CEP112: variants seen among roughly 807,000 people sequenced by gnomAD.
The protein encoded by CEP112 is centrosomal protein of 112 kDa.
In CEP112, 127 loss-of-function variants were observed where a neutral mutation model predicts 153.0. The observed-to-expected ratio is 0.83, with a 90% CI of 0.72 to 0.96. The LOEUF (loss-of-function observed/expected upper bound fraction) is 0.96. CEP112 is among the 40% of genes least tolerant of loss of function. The probability of loss-of-function intolerance (pLI) is 0.00; values close to 1 mark genes in which losing one functional copy is unlikely to be tolerated. For synonymous variants in CEP112, 358 were observed against 374.4 expected (o/e 0.96, Z 0.51); for missense variants, 1,089 against 1,101.2 (o/e 0.99, Z 0.16).
chr17:65,858,600 C>T, intron 20 of CEP112, among the ~76,000 whole-genome samples: 2 of 150,884 alleles, frequency 1.3e-5, no homozygotes, highest in African/African-American at 4.9e-5. Flanking sequence ...ATTTTTATTC[C>T]CAATATTGTT....
At chr17:65,896,277 TA>T (rs2059656217) in intron 20 of CEP112, among the ~76,000 whole-genome samples, 1 of 152,056 alleles carries the variant, frequency 6.6e-6, no homozygotes, top group African/African-American at 2.4e-5. Context: ...CCTCATCTTG[TA>T]TTTTTTGCTT....
chr17:66,069,890 T>C, intron 9 of CEP112, 25 bp downstream of exon 9: 2 of 1,367,024 alleles, frequency 1.5e-6, no homozygotes, highest in Non-Finnish European at 2.1e-6. Flanking sequence ...TTCAATATAA[T>C]TAAAACACGA....
At chr17:65,844,816 C>T (rs1293508875) in intron 21 of CEP112, among the ~76,000 whole-genome samples, 3 of 151,476 alleles carry the variant, frequency 2.0e-5, no homozygotes, top group Non-Finnish European at 2.9e-5. Flanking sequence ...GAGATCAAGA[C>T]CATCCTGGTC....
At chr17:65,693,204 A>C (rs1410604396) in intron 23 of CEP112, among the ~76,000 whole-genome samples, 1 of 152,116 alleles carries the variant, frequency 6.6e-6, no homozygotes, top group Non-Finnish European at 1.5e-5. Flanking sequence ...CTTCACCTGC[A>C]GAACCCTGAG....
chr17:66,092,330 G>A (rs1048925801), intron 8 of CEP112, among the ~76,000 whole-genome samples: 20 of 145,528 alleles, frequency 1.4e-4, no homozygotes, highest in East Asian at 8.3e-4. Context: ...GTGAGCCACC[G>A]AGTCCGGCCT....
In CEP112 at chr17:65,650,922, AT is replaced by A. The variant is rs962910075; in HGVS notation, c.2698-9858del. Among the ~76,000 whole-genome samples the A allele has an allele frequency of 6.0e-5, 9 of 150,958 alleles. No individual in the cohort carries two copies. In the South Asian group the frequency reaches 1.7e-3, roughly 28 times the overall value. ...CTTTTTTTTCTCTCTTTCTCTATAT[AT>A]TTTTTATGTATATATATATTTTATT... On this transcript the variant is annotated intron_variant, in intron 24 of 26. Transcript: ENST00000535342.
chr17:65,641,132 C>T, intron 24 of CEP112, 67 bp from the exon 25 acceptor site: 1 of 859,948 alleles, frequency 1.2e-6, no homozygotes, highest in Non-Finnish European at 2.0e-6. Context: ...TTTAAGAAGT[C>T]CCAGAACAGA....
chr17:65,934,259 AG>A (rs1299409143), intron 18 of CEP112, among the ~76,000 whole-genome samples: 1 of 152,240 alleles, frequency 6.6e-6, no homozygotes, highest in Non-Finnish European at 1.5e-5. Flanking sequence ...CATAAAATTA[AG>A]GGAGAATAAA....
At chr17:65,813,370 C>T (rs1333934339) in intron 21 of CEP112, among the ~76,000 whole-genome samples, 2 of 152,122 alleles carry the variant, frequency 1.3e-5, no homozygotes, top group African/African-American at 4.8e-5. Flanking sequence ...ATTAGGAACC[C>T]AATCAGAGCC....
chr17:65,850,891 G>A (rs1296359194), intron 21 of CEP112, among the ~76,000 whole-genome samples: 1 of 151,958 alleles, frequency 6.6e-6, no homozygotes, highest in Non-Finnish European at 1.5e-5. Context: ...TTTATTTCTG[G>A]GTTCATAGCT....
chr17:66,014,794 C>G (rs974976166), intron 16 of CEP112, among the ~76,000 whole-genome samples: 1 of 152,214 alleles, frequency 6.6e-6, no homozygotes, highest in South Asian at 2.1e-4. Flanking sequence ...TGTCCTCCCT[C>G]TGTCCACTCT....
intron 24 of CEP112, among the ~76,000 whole-genome samples, chr17:65,677,135 G>A (rs926552694): frequency 1.3e-5 from 2 of 152,120 alleles, no homozygotes; most frequent in Non-Finnish European, 2.9e-5. Context: ...GGCTGTCAGC[G>A]TGCTCTTTAC....
chr17:65,838,103 A>C (rs1027167207), intron 21 of CEP112, among the ~76,000 whole-genome samples: 3 of 152,188 alleles, frequency 2.0e-5, no homozygotes, highest in Non-Finnish European at 4.4e-5. Flanking sequence ...AAAAAATTAA[A>C]AAAAAATACA....
chr17:65,916,289 G>A (rs180867851), intron 19 of CEP112, among the ~76,000 whole-genome samples: 69 of 147,214 alleles, frequency 4.7e-4, no homozygotes, highest in African/African-American at 9.8e-4. Flanking sequence ...GTGTGTGTGT[G>A]TGTATGTGTG....
intron 24 of CEP112, among the ~76,000 whole-genome samples, chr17:65,649,073 A>AACACACACACACACACACACAC (rs71158400): frequency 2.1e-5 from 3 of 139,862 alleles, no homozygotes; most frequent in Non-Finnish European, 4.8e-5. Context: ...CAAACAAACA[A>AACACACACACACACACACACAC]ACACACACAC....
At chr17:66,004,161 G>C (rs2064173689) in intron 17 of CEP112, among the ~76,000 whole-genome samples, 1 of 151,968 alleles carries the variant, frequency 6.6e-6, no homozygotes, top group Admixed American at 6.6e-5. Flanking sequence ...AACTAATGAA[G>C]AATAGAGAGC....
At chr17:65,830,603 A>G (rs1008298817) in intron 21 of CEP112, among the ~76,000 whole-genome samples, 2 of 152,202 alleles carry the variant, frequency 1.3e-5, no homozygotes, top group South Asian at 2.1e-4. Flanking sequence ...TGAGGAAGCC[A>G]TATTAAAGAG....
Position 66,191,982 on chromosome 17 carries a change from G to A in CEP112, c.-9+15C>T, listed in dbSNP as rs2073179154. 1 of 153,444 alleles carries A rather than the reference G, an allele frequency of 6.5e-6. No homozygotes were observed. Among genetic ancestry groups the A allele is most frequent in the African/African-American group, 2.4e-5 (1 of 41,438 alleles). 9.5% of individuals were successfully genotyped at this position (153,444 alleles called of 1,614,324 possible). On this transcript the variant is annotated intron_variant, in intron 1 of 26. Coordinates refer to ENST00000535342, the MANE Select transcript of CEP112 (RefSeq NM_001199165.4). This position sits in a 1 kb window ranked among gnomAD's most constrained non-coding sequence, Gnocchi z 4.2. ...GGGAGGGGCGGGGGAAGGAAATTCA[G>A]AAAAAAACGAGAACCTGGCACCACC...
At chr17:65,914,382 A>T (rs2060397831) in intron 19 of CEP112, among the ~76,000 whole-genome samples, 1 of 151,838 alleles carries the variant, frequency 6.6e-6, no homozygotes, top group South Asian at 2.1e-4. Context: ...TCCAATATAT[A>T]GCACTGTGTC....
Sources: gnomAD v4.1 joint callset for allele counts (sites outside exome capture counted in the v4.1 genomes callset) on GRCh38, gnomAD v4.1.1 for gene constraint, Gnocchi (gnomAD v3.1) non-coding constraint, MANE v1.5 for transcripts, NCBI Gene and HGNC (gene_info 2026-07-23, HGNC 2026-07-21) for gene names.